SLC39A11: variants seen among roughly 807,000 people sequenced by gnomAD.
SLC39A11 encodes the protein solute carrier family 39 member 11.
A neutral mutation model predicts 36.1 loss-of-function variants in SLC39A11; 33 were observed. The ratio of observed to expected loss-of-function variants is 0.91; its 90% CI spans 0.69 to 1.22. SLC39A11 has a LOEUF of 1.22. SLC39A11 is among the 50% of genes most tolerant of loss of function. The pLI is 0.00. For missense variants in SLC39A11, 432 were observed against 430.3 expected (o/e 1.00, Z -0.03); for synonymous variants, 166 against 170.3 (o/e 0.97, Z 0.20).
intron 5 of SLC39A11, among the ~76,000 whole-genome samples, chr17:72,929,300 G>A (rs548616643): frequency 3.9e-4 from 59 of 152,242 alleles, no homozygotes; most frequent in African/African-American, 1.4e-3. Flanking sequence ...TAGGGGCTGC[G>A]GACCAGCAGT....
At chr17:72,957,737 T>C (rs868419296) in intron 4 of SLC39A11, among the ~76,000 whole-genome samples, 3 of 152,138 alleles carry the variant, frequency 2.0e-5, no homozygotes, top group Middle Eastern at 3.4e-3. Flanking sequence ...GAGAATCTCT[T>C]GAACCCAGGA....
intron 5 of SLC39A11, among the ~76,000 whole-genome samples, chr17:72,880,221 G>A (rs2081123516): frequency 6.6e-6 from 1 of 152,198 alleles, no homozygotes; most frequent in Non-Finnish European, 1.5e-5. Flanking sequence ...ACGATGTGGG[G>A]AATGACAGAG....
At chr17:72,661,406 C>T (rs2070412772) in intron 7 of SLC39A11, among the ~76,000 whole-genome samples, 1 of 152,178 alleles carries the variant, frequency 6.6e-6, no homozygotes, top group African/African-American at 2.4e-5. Context: ...TGCAGCCTTG[C>T]TCTCCAGGCT....
intron 6 of SLC39A11, among the ~76,000 whole-genome samples, chr17:72,766,985 C>T (rs888496549): frequency 1.3e-5 from 2 of 152,122 alleles, no homozygotes; most frequent in African/African-American, 4.8e-5. Context: ...CGACCAGAGA[C>T]ATTCCAACCC....
chr17:72,893,280 G>A (rs1391114281), intron 5 of SLC39A11, among the ~76,000 whole-genome samples: 1 of 152,110 alleles, frequency 6.6e-6, no homozygotes, highest in Non-Finnish European at 1.5e-5. Flanking sequence ...GGCCAACATG[G>A]TGAAACCCTG....
chr17:72,881,035 G>T (rs1371459578), intron 5 of SLC39A11, among the ~76,000 whole-genome samples: 1 of 70,660 alleles, frequency 1.4e-5, no homozygotes, highest in Non-Finnish European at 2.5e-5. Context: ...ATATGGAGGA[G>T]ATGGAACTCT....
At chr17:72,721,166 G>A (rs534266903) in intron 7 of SLC39A11, among the ~76,000 whole-genome samples, 119 of 150,124 alleles carry the variant, frequency 7.9e-4, no homozygotes, top group Non-Finnish European at 1.4e-3. Flanking sequence ...GCGCGATCTC[G>A]GCTCACTGCA....
At chr17:72,831,501 T>G (rs2078284693) in intron 6 of SLC39A11, among the ~76,000 whole-genome samples, 1 of 152,198 alleles carries the variant, frequency 6.6e-6, no homozygotes, top group Admixed American at 6.5e-5. Flanking sequence ...GTGAAGCCAG[T>G]GATATCACAA....
chr17:73,033,683 A>G (rs1316024614), intron 3 of SLC39A11, among the ~76,000 whole-genome samples: 2 of 152,226 alleles, frequency 1.3e-5, no homozygotes, highest in East Asian at 1.9e-4. Context: ...CCCACCACCC[A>G]TCGTAACTAT....
At chr17:72,782,456 A>G (rs1480438296) in intron 6 of SLC39A11, among the ~76,000 whole-genome samples, 1 of 152,102 alleles carries the variant, frequency 6.6e-6, no homozygotes, top group Non-Finnish European at 1.5e-5. Flanking sequence ...GTCCCTTGGC[A>G]CACACTTTCT....
chr17:72,846,334 T>TC (rs1209835609), intron 6 of SLC39A11, among the ~76,000 whole-genome samples: 3 of 152,182 alleles, frequency 2.0e-5, no homozygotes, highest in Non-Finnish European at 4.4e-5. Flanking sequence ...CTGGCCTCAA[T>TC]CCTTATTTGA....
At chr17:72,969,602 C>T (rs1369287364) in intron 4 of SLC39A11, among the ~76,000 whole-genome samples, 2 of 45,194 alleles carry the variant, frequency 4.4e-5, no homozygotes, top group Non-Finnish European at 1.7e-4. Flanking sequence ...CTCCCCTTTT[C>T]CCCATCTTTC....
intron 7 of SLC39A11, among the ~76,000 whole-genome samples, chr17:72,699,080 T>C (rs542025547): frequency 2.6e-4 from 39 of 152,158 alleles, no homozygotes; most frequent in East Asian, 9.7e-4. Flanking sequence ...CTGCCCGCCT[T>C]GGCCTCCCAA....
At chr17:72,980,646 A>G (rs2088230107) in intron 4 of SLC39A11, among the ~76,000 whole-genome samples, 1 of 152,216 alleles carries the variant, frequency 6.6e-6, no homozygotes. Context: ...CGAATAGATG[A>G]TAAGACGTGA....
At chr17:72,895,083 T>C (rs1192109753) in intron 5 of SLC39A11, among the ~76,000 whole-genome samples, 2 of 150,914 alleles carry the variant, frequency 1.3e-5, no homozygotes, top group Admixed American at 1.3e-4. Flanking sequence ...AGGTAGCTAT[T>C]GCTAGTTGCA....
chr17:72,952,992 C>G (rs1457267155), intron 4 of SLC39A11, among the ~76,000 whole-genome samples: 1 of 152,128 alleles, frequency 6.6e-6, no homozygotes, highest in Non-Finnish European at 1.5e-5. Context: ...AGGGCTCTTT[C>G]TCCAGCTGCA....
intron 3 of SLC39A11, among the ~76,000 whole-genome samples, chr17:73,068,514 G>A (rs1171927450): frequency 6.6e-6 from 1 of 152,158 alleles, no homozygotes; most frequent in Non-Finnish European, 1.5e-5. Context: ...CAGACCTGAT[G>A]TAAGTAAGCC....
At chr17:72,966,387 G>A (rs1598631337) in intron 4 of SLC39A11, among the ~76,000 whole-genome samples, 1 of 152,184 alleles carries the variant, frequency 6.6e-6, no homozygotes, top group African/African-American at 2.4e-5. Context: ...CCCACAGAGG[G>A]AGGCTTAGCA....
intron 3 of SLC39A11, among the ~76,000 whole-genome samples, chr17:73,032,552 C>G (rs1338850224): frequency 6.6e-6 from 1 of 152,166 alleles, no homozygotes; most frequent in Non-Finnish European, 1.5e-5. Flanking sequence ...AAATTGCTCA[C>G]TACTTCACGA....
Sources: gnomAD v4.1 joint callset for allele counts (sites outside exome capture counted in the v4.1 genomes callset) on GRCh38, gnomAD v4.1.1 for gene constraint, MANE v1.5 for transcripts, NCBI Gene and HGNC (gene_info 2026-07-23, HGNC 2026-07-21) for gene names.